Variants in COL15A1 observed in about 807,000 individuals in gnomAD.
The protein encoded by COL15A1 is collagen alpha-1(XV) chain.
Under a neutral mutation model 165.9 loss-of-function variants are expected in COL15A1, and 111 were observed. That is an observed-to-expected ratio of 0.67 (90% CI 0.57 to 0.78). COL15A1 has a LOEUF of 0.78. Among genes scored for constraint, COL15A1 ranks in the 30% least tolerant of loss-of-function variants. The pLI, the probability that COL15A1 is intolerant of heterozygous loss-of-function variation, is 0.00. For missense variants in COL15A1, 1,745 were observed against 1,789.7 expected (o/e 0.98, Z 0.45); for synonymous variants, 659 against 674.8 (o/e 0.98, Z 0.36).
intron 12 of COL15A1, among the ~76,000 whole-genome samples, chr9:99,021,790 C>T (rs1295465389): frequency 7.2e-5 from 11 of 152,180 alleles, no homozygotes; most frequent in Admixed American, 6.5e-4. Flanking sequence ...GGTGCTCTAG[C>T]AGGGCCCAGA....
chr9:98,970,816 G>A (rs1435736712), intron 2 of COL15A1, among the ~76,000 whole-genome samples: 1 of 151,888 alleles, frequency 6.6e-6, no homozygotes, highest in African/African-American at 2.4e-5. Flanking sequence ...TGAGTCTAGG[G>A]TGAGTGCGGG....
At chr9:98,973,547 C>G (rs534624962) in intron 2 of COL15A1, among the ~76,000 whole-genome samples, 67 of 152,318 alleles carry the variant, frequency 4.4e-4, no homozygotes, top group Non-Finnish European at 8.8e-4. Context: ...TGCAGATAAA[C>G]CCTCAGGCAC....
At chr9:98,992,757 T>G (rs1449934411) in intron 5 of COL15A1, among the ~76,000 whole-genome samples, 1 of 151,948 alleles carries the variant, frequency 6.6e-6, no homozygotes, top group Non-Finnish European at 1.5e-5. Flanking sequence ...GCCCAGGAGG[T>G]GGGGTGCCTC....
chr9:98,974,520 C>T (rs558714239), intron 2 of COL15A1, among the ~76,000 whole-genome samples: 70 of 152,294 alleles, frequency 4.6e-4, no homozygotes, highest in African/African-American at 1.7e-3. Context: ...AGGAGGGACA[C>T]GTGGCTTCTC....
At chr9:99,024,591 C>T (rs1173614419) in intron 14 of COL15A1, among the ~76,000 whole-genome samples, 1 of 152,112 alleles carries the variant, frequency 6.6e-6, no homozygotes. Context: ...AGAATTCCAA[C>T]TAATTGGATC....
At chr9:99,017,294 C>A (rs1838953403) in intron 11 of COL15A1, among the ~76,000 whole-genome samples, 1 of 152,212 alleles carries the variant, frequency 6.6e-6, no homozygotes, top group Non-Finnish European at 1.5e-5. Flanking sequence ...CTGTTGCCTG[C>A]CTCTGAGAGG....
chr9:99,046,575 G>C (rs538986960), intron 26 of COL15A1, among the ~76,000 whole-genome samples: 10 of 152,190 alleles, frequency 6.6e-5, no homozygotes, highest in Non-Finnish European at 1.5e-4. Context: ...GTGGTGGGAG[G>C]CATCTCATCA....
chr9:99,069,170 C>A (rs1825942491), intron 41 of COL15A1, among the ~76,000 whole-genome samples: 1 of 152,166 alleles, frequency 6.6e-6, no homozygotes, highest in Admixed American at 6.5e-5. Context: ...CAATAATAAA[C>A]CCACACAGCT....
At chr9:98,980,404 G>C (rs935375763) in intron 2 of COL15A1, among the ~76,000 whole-genome samples, 3 of 152,224 alleles carry the variant, frequency 2.0e-5, no homozygotes, top group African/African-American at 7.2e-5. Flanking sequence ...CAGGGGAAGC[G>C]AGGCCTGGGC....
chr9:99,026,064 C>G, intron 16 of COL15A1, 98 bp downstream of exon 16: 1 of 1,147,960 alleles, frequency 8.7e-7, no homozygotes, highest in Non-Finnish European at 1.2e-6. Flanking sequence ...ATGTGACTGA[C>G]CCCCTGGCCT....
intron 2 of COL15A1, among the ~76,000 whole-genome samples, chr9:98,964,947 C>T (rs1837931715): frequency 6.6e-6 from 1 of 152,236 alleles, no homozygotes; most frequent in South Asian, 2.1e-4. Flanking sequence ...CGCTGCTTGT[C>T]TGCCCTGGCT....
Position 99,066,993 on chromosome 9 carries a change from T to C in COL15A1, c.3763T>C (p.Ser1255Pro). The change falls in exon 40 of 42, where the codon TCT (serine) becomes CCT (proline). Residue 1255 changes from serine to proline, a missense_variant. Ser to Pro is a moderately conservative substitution (Grantham distance 74). Coordinates refer to ENST00000375001, the MANE Select transcript of COL15A1 (RefSeq NM_001855.5). ...GTTGTCCACCTACCGAGCATTCTTATCTTCCCATTTGCAAGATCTGTCCAC... is the reference window on the plus strand; with the variant it reads ...GTTGTCCACCTACCGAGCATTCTTACCTTCCCATTTGCAAGATCTGTCCAC... ...GLLSTYRAFL[S>P]SHLQDLSTIV... 6.2e-7 allele frequency: 1 copy of C among 1,614,194 alleles called. No individual in the cohort carries two copies. The highest frequency in any genetic ancestry group is 8.5e-7 in the Non-Finnish European group (1 of 1,180,016).
intron 2 of COL15A1, among the ~76,000 whole-genome samples, chr9:98,945,273 A>G (rs907151899): frequency 1.3e-5 from 2 of 152,192 alleles, no homozygotes; most frequent in African/African-American, 4.8e-5. Context: ...TTGGGCTTCT[A>G]TTAATCCCAT....
intron 3 of COL15A1, 93 bp downstream of exon 3, chr9:98,986,205 T>C: frequency 3.0e-6 from 3 of 1,015,230 alleles, no homozygotes; most frequent in South Asian, 3.3e-5. Flanking sequence ...TATTATTTTA[T>C]TCTTATGTCC....
intron 40 of COL15A1, among the ~76,000 whole-genome samples, 164 bp downstream of exon 40, chr9:99,067,231 C>T (rs1825910428): frequency 1.3e-5 from 2 of 152,148 alleles, no homozygotes; most frequent in African/African-American, 2.4e-5. Context: ...CCCTGAACCT[C>T]AGTTTTCTTT....
intron 2 of COL15A1, among the ~76,000 whole-genome samples, chr9:98,956,378 A>T (rs1317426384): frequency 1.3e-5 from 2 of 152,172 alleles, no homozygotes; most frequent in African/African-American, 4.8e-5. Flanking sequence ...TAATAATTAT[A>T]TAGTGCTTTT....
At position 99,034,260 on chromosome 9, in the gene COL15A1, C is replaced by T. The variant is rs377290478; in HGVS notation, c.2044-289C>T. 1.1e-3 allele frequency among the ~76,000 whole-genome samples: 163 copies of T among 152,304 alleles called. 1 individual carries two copies. Among genetic ancestry groups the T allele is most frequent in the Admixed American group, 1.8e-3 (28 of 15,302 alleles). ...TCCAGTCCACTGGCAGCTCTCCAAGCGAAATCTTCTATGATCTCTCCCTCA... is the reference window on the plus strand; with the variant it reads ...TCCAGTCCACTGGCAGCTCTCCAAGTGAAATCTTCTATGATCTCTCCCTCA... On this transcript the variant is annotated intron_variant, in intron 16 of 41. Coordinates refer to ENST00000375001, the MANE Select transcript of COL15A1 (RefSeq NM_001855.5).
intron 11 of COL15A1, among the ~76,000 whole-genome samples, chr9:99,019,179 G>A (rs1311272375): frequency 6.6e-6 from 1 of 152,030 alleles, no homozygotes; most frequent in African/African-American, 2.4e-5. Flanking sequence ...ATATCTCTAG[G>A]ATCAGTTTTT....
chr9:99,025,056 G>C, intron 15 of COL15A1, 57 bp downstream of exon 15: 1 of 1,556,188 alleles, frequency 6.4e-7, no homozygotes, highest in South Asian at 1.1e-5. Flanking sequence ...CTTTAGCAGG[G>C]GAGGGGTGTA....
Sources: allele counts gnomAD v4.1 joint callset (sites outside exome capture counted in the v4.1 genomes callset), GRCh38; gene constraint gnomAD v4.1.1; transcripts MANE v1.5; gene names NCBI Gene and HGNC (gene_info 2026-07-23, HGNC 2026-07-21).